The following PATJ variants were observed in gnomAD, a reference collection of about 807,000 sequenced individuals.
The protein encoded by PATJ is inaD-like protein.
Under a neutral mutation model 224.9 loss-of-function variants are expected in PATJ, and 190 were observed. The ratio of observed to expected loss-of-function variants is 0.84; its 90% CI spans 0.75 to 0.95. The LOEUF (loss-of-function observed/expected upper bound fraction) is 0.95. Ranked by LOEUF, PATJ falls within the 40% of genes least tolerant of loss-of-function variation. The pLI, the probability that PATJ is intolerant of heterozygous loss-of-function variation, is 0.00. For missense variants in PATJ, 2,121 were observed against 2,270.3 expected (o/e 0.93, Z 1.34); for synonymous variants, 769 against 820.3 (o/e 0.94, Z 1.07).
chr1:62,000,482 A>C (rs1645695224), intron 28 of PATJ, among the ~76,000 whole-genome samples: 1 of 151,740 alleles, frequency 6.6e-6, no homozygotes, highest in African/African-American at 2.4e-5. Context: ...TTTACTGAGA[A>C]TGATGAGTTC....
At chr1:62,055,120 T>C (rs1654324945) in intron 31 of PATJ, among the ~76,000 whole-genome samples, 1 of 152,162 alleles carries the variant, frequency 6.6e-6, no homozygotes, top group South Asian at 2.1e-4. Flanking sequence ...GATCTTAATC[T>C]TATCCCCAAA....
At chr1:62,099,121 G>A (rs957646196) in intron 33 of PATJ, among the ~76,000 whole-genome samples, 16 of 151,956 alleles carry the variant, frequency 1.1e-4, no homozygotes, top group African/African-American at 3.6e-4. Context: ...TGCCACCTCC[G>A]CCATATTATC....
At chr1:61,810,699 AAAAT>A (rs141039243) in intron 14 of PATJ, among the ~76,000 whole-genome samples, 44,441 of 143,794 alleles carry the variant, frequency 0.31, 6,977 homozygotes, top group Non-Finnish European at 0.33. Context: ...TCTGTCTCAA[AAAAT>A]AAATAAATAA....
intron 13 of PATJ, among the ~76,000 whole-genome samples, chr1:61,807,488 A>G (rs539045966): frequency 4.8e-4 from 73 of 152,312 alleles, no homozygotes; most frequent in African/African-American, 1.6e-3. Flanking sequence ...TTAAAATTTT[A>G]TTCTCCTTAT....
chr1:61,951,288 T>A (rs1679633810), intron 27 of PATJ, among the ~76,000 whole-genome samples: 1 of 152,160 alleles, frequency 6.6e-6, no homozygotes, highest in Admixed American at 6.5e-5. Flanking sequence ...TTCTGAAAAC[T>A]CAGCTTCAGC....
At chr1:62,114,536 A>G in intron 35 of PATJ, 1 of 261,470 alleles carries the variant, frequency 3.8e-6, no homozygotes, top group East Asian at 1.0e-4. Flanking sequence ...GGAGTTTTGC[A>G]GAGGTTGATT....
At chr1:62,051,879 G>A (rs142788178) in intron 31 of PATJ, among the ~76,000 whole-genome samples, 439 of 152,284 alleles carry the variant, frequency 2.9e-3, no homozygotes, top group African/African-American at 0.01. Context: ...ATCAGACACT[G>A]TGCTGTGTTC....
At chr1:61,869,187 A>C (rs1006246750) in intron 20 of PATJ, among the ~76,000 whole-genome samples, 12 of 144,134 alleles carry the variant, frequency 8.3e-5, no homozygotes, top group South Asian at 2.3e-4. Flanking sequence ...GCTCACTGCA[A>C]GCTCCGCCTC....
chr1:61,847,428 T>C (rs1046123298), intron 17 of PATJ, among the ~76,000 whole-genome samples: 1 of 152,222 alleles, frequency 6.6e-6, no homozygotes, highest in Non-Finnish European at 1.5e-5. Flanking sequence ...CTATGTCTGA[T>C]GTGTGGAAAA....
At position 61,763,178 on chromosome 1, in the gene PATJ, A is replaced by G; in HGVS notation, c.188A>G (p.Gln63Arg). The G allele has an allele frequency of 6.4e-7, 1 of 1,557,422 alleles. No homozygotes were observed. The highest frequency in any genetic ancestry group is 8.7e-7 in the Non-Finnish European group (1 of 1,152,720). ...LQQSIKQLKG[Q>R]LNHIPSDCSA... ...CAGTCCATCAAGCAACTGAAGGGTC[A>G]AGTAAGTTACCCATCAGAGTTTTAC... The change falls in exon 3 of 44, where the codon CAA becomes CGA. Residue 63 changes from glutamine to arginine, a missense_variant and splice_region_variant. Physicochemically the swap from Gln to Arg is conservative, Grantham distance 43. Coordinates refer to ENST00000642238, the MANE Select transcript of PATJ (RefSeq NM_001350145.3).
chr1:62,095,053 A>G (rs532844013), intron 33 of PATJ, among the ~76,000 whole-genome samples: 2 of 152,182 alleles, frequency 1.3e-5, no homozygotes, highest in East Asian at 1.9e-4. Flanking sequence ...TTCTGAACAG[A>G]AACAATTATC....
rs949973655 is a variant in PATJ at position 61,815,007 on chromosome 1, C to T, written c.1683+6477C>T. On this transcript the variant is annotated intron_variant, in intron 14 of 43. Coordinates refer to ENST00000642238, the MANE Select transcript of PATJ (RefSeq NM_001350145.3). ...TTGCTCTCATAGAGCTTAGATTCTG[C>T]GATTGTATAGGGGCATGGTAATAGA... is the stretch of plus-strand genomic sequence containing the variant. Among the ~76,000 whole-genome samples, 17 of 152,178 alleles carry T rather than the reference C, an allele frequency of 1.1e-4. 1 individual carries two copies. The South Asian group carries it at 1.9e-3, about 17-fold the overall frequency.
At chr1:62,101,799 A>G (rs1570598778) in intron 33 of PATJ, among the ~76,000 whole-genome samples, 1 of 152,190 alleles carries the variant, frequency 6.6e-6, no homozygotes, top group Non-Finnish European at 1.5e-5. Context: ...CCTTCTGGCT[A>G]TGAGAAAACC....
chr1:61,864,715 GTTGT>G (rs986888167), intron 20 of PATJ, 82 bp downstream of exon 20: 2 of 1,310,728 alleles, frequency 1.5e-6, no homozygotes, highest in Admixed American at 2.3e-5. Context: ...TCACTTCAAT[GTTGT>G]TTGTTTTTAA....
chr1:61,931,520 T>G (rs1330328723), intron 27 of PATJ, among the ~76,000 whole-genome samples: 1 of 152,150 alleles, frequency 6.6e-6, no homozygotes, highest in African/African-American at 2.4e-5. Context: ...TCCCAGCACT[T>G]TGGGAGGCTA....
intron 12 of PATJ, among the ~76,000 whole-genome samples, 198 bp downstream of exon 12, chr1:61,801,967 A>G (rs1455913133): frequency 6.9e-6 from 1 of 145,496 alleles, no homozygotes; most frequent in East Asian, 2.0e-4. Context: ...TTTAAGTTCT[A>G]GGGTACATGT....
At chr1:62,092,893 G>T (rs940250605) in intron 33 of PATJ, among the ~76,000 whole-genome samples, 1 of 150,734 alleles carries the variant, frequency 6.6e-6, no homozygotes, top group Non-Finnish European at 1.5e-5. Flanking sequence ...AGGCACGCGC[G>T]ACCACACCCA....
chr1:62,088,133 C>T (rs773270993), intron 33 of PATJ, among the ~76,000 whole-genome samples: 6 of 152,164 alleles, frequency 3.9e-5, no homozygotes, highest in African/African-American at 9.6e-5. Context: ...TCAGGTGATC[C>T]GCCTGCCTCA....
chr1:61,799,100 C>A (rs563161648), intron 11 of PATJ, among the ~76,000 whole-genome samples: 1 of 152,182 alleles, frequency 6.6e-6, no homozygotes, highest in South Asian at 2.1e-4. Context: ...AAGACAGATG[C>A]CCTGCCAACT....
Sources: allele counts gnomAD v4.1 joint callset (sites outside exome capture counted in the v4.1 genomes callset), GRCh38; gene constraint gnomAD v4.1.1; transcripts MANE v1.5; gene names NCBI Gene and HGNC (gene_info 2026-07-23, HGNC 2026-07-21).